The following GPC5 variants were observed in gnomAD, a reference collection of about 807,000 sequenced individuals.
The protein encoded by GPC5 is glypican 5, also known as glypican-5.
GPC5 carries 47 observed loss-of-function variants against 53.9 expected under a neutral mutation model. The ratio of observed to expected loss-of-function variants is 0.87; its 90% CI spans 0.69 to 1.11. The LOEUF (loss-of-function observed/expected upper bound fraction) is 1.11. Ranked by LOEUF, GPC5 falls within the 50% of genes most tolerant of loss-of-function variation. The pLI, the probability that GPC5 is intolerant of heterozygous loss-of-function variation, is 0.00. For synonymous variants in GPC5, 286 were observed against 263.3 expected, an observed-to-expected ratio of 1.09 and a Z score of -0.84; for missense variants, 748 against 713.1, an observed-to-expected ratio of 1.05 and a Z score of -0.56.
intron 7 of GPC5, among the ~76,000 whole-genome samples, chr13:92,706,636 T>C (rs1346523042): frequency 1.3e-5 from 2 of 152,042 alleles, no homozygotes; most frequent in East Asian, 3.9e-4. Context: ...GTCAAGAGAG[T>C]TGAAATGTCC....
At chr13:91,579,669 C>A (rs563251988) in intron 2 of GPC5, among the ~76,000 whole-genome samples, 1 of 146,396 alleles carries the variant, frequency 6.8e-6, no homozygotes, top group African/African-American at 2.5e-5. Flanking sequence ...CGCTCTGTCA[C>A]CCAGGCTGGA....
At chr13:91,984,568 C>T (rs554335809) in intron 6 of GPC5, among the ~76,000 whole-genome samples, 2 of 152,232 alleles carry the variant, frequency 1.3e-5, no homozygotes, top group East Asian at 1.9e-4. Flanking sequence ...ATTGAGTCAT[C>T]GTAGTTGTTT....
intron 2 of GPC5, among the ~76,000 whole-genome samples, chr13:91,654,330 C>T (rs2034795048): frequency 6.6e-6 from 1 of 152,044 alleles, no homozygotes; most frequent in South Asian, 2.1e-4. Context: ...ATTACATTGA[C>T]CACTGTATAA....
intron 2 of GPC5, among the ~76,000 whole-genome samples, chr13:91,535,323 C>T (rs1886539507): frequency 6.6e-6 from 1 of 152,056 alleles, no homozygotes; most frequent in Admixed American, 6.6e-5. Flanking sequence ...ATATATTGGT[C>T]CTCCAGTTGT....
intron 7 of GPC5, among the ~76,000 whole-genome samples, chr13:92,268,447 C>T (rs1049698849): frequency 6.6e-6 from 1 of 151,616 alleles, no homozygotes; most frequent in Non-Finnish European, 1.5e-5. Context: ...TTTAAAAATA[C>T]ATACTCTTAA....
chr13:92,505,118 G>A (rs1490681324), intron 7 of GPC5, among the ~76,000 whole-genome samples: 1 of 151,674 alleles, frequency 6.6e-6, no homozygotes, highest in Non-Finnish European at 1.5e-5. Flanking sequence ...AGAAGTTAAA[G>A]TTACTGTTTA....
intron 7 of GPC5, among the ~76,000 whole-genome samples, chr13:92,621,594 G>A (rs1479574874): frequency 6.6e-6 from 1 of 151,974 alleles, no homozygotes; most frequent in Non-Finnish European, 1.5e-5. Flanking sequence ...GACAAAGTGG[G>A]GGATCACCTG....
At position 92,075,996 on chromosome 13, in the gene GPC5, T is replaced by A. The variant is rs2041248634; in HGVS notation, c.1402-68834T>A. Among the ~76,000 whole-genome samples, 3 of 152,354 alleles carry A rather than the reference T, an allele frequency of 2.0e-5. No individual in the cohort carries two copies. The South Asian group carries it at 6.2e-4, about 32-fold the overall frequency. The stretch of plus-strand genomic sequence containing the variant: ...TTTTCTAAAGTGAGAAAAATTAATT[T>A]TAAAACTTAAATTGTGTGTTCAATA... On this transcript the variant is annotated intron_variant, in intron 6 of 7. Coordinates refer to ENST00000377067, the MANE Select transcript of GPC5 (RefSeq NM_004466.6).
At chr13:92,449,178 G>T (rs897550718) in intron 7 of GPC5, 2 of 152,046 alleles carry the variant, frequency 1.3e-5, no homozygotes, top group East Asian at 1.9e-4. Flanking sequence ...AAGTGAAAAA[G>T]CCATACATAC....
At chr13:91,419,943 A>G (rs998257809) in intron 1 of GPC5, among the ~76,000 whole-genome samples, 2 of 152,192 alleles carry the variant, frequency 1.3e-5, no homozygotes, top group African/African-American at 4.8e-5. Flanking sequence ...TCACAGTTAG[A>G]CTACAGAAGA....
At chr13:92,423,342 A>G (rs569506617) in intron 7 of GPC5, among the ~76,000 whole-genome samples, 1 of 152,356 alleles carries the variant, frequency 6.6e-6, no homozygotes, top group Non-Finnish European at 1.5e-5. Flanking sequence ...AGTAGTAGGT[A>G]TGCACAGCAA....
chr13:92,515,414 T>C (rs980013086), intron 7 of GPC5, among the ~76,000 whole-genome samples: 2 of 152,118 alleles, frequency 1.3e-5, no homozygotes, highest in African/African-American at 2.4e-5. Context: ...ATTCCAGAGA[T>C]TTTTGGTTTT....
chr13:92,708,513 A>G (rs542917667), intron 7 of GPC5, among the ~76,000 whole-genome samples: 2 of 152,312 alleles, frequency 1.3e-5, no homozygotes, highest in Admixed American at 6.5e-5. Context: ...CCATAAGAAA[A>G]GACATACTTC....
chr13:92,692,062 G>T (rs1188131946), intron 7 of GPC5, among the ~76,000 whole-genome samples: 2 of 151,904 alleles, frequency 1.3e-5, no homozygotes, highest in African/African-American at 4.8e-5. Context: ...AGTGTCTATT[G>T]TTCCCACCTT....
At chr13:92,602,175 CTATATATATTACA>C (rs1566313889) in intron 7 of GPC5, among the ~76,000 whole-genome samples, 1 of 137,156 alleles carries the variant, frequency 7.3e-6, no homozygotes, top group Non-Finnish European at 1.6e-5. Flanking sequence ...CAAATACACA[CTATATATATTACA>C]TATATATAAA....
At chr13:92,315,590 G>C (rs2043173806) in intron 7 of GPC5, among the ~76,000 whole-genome samples, 1 of 152,088 alleles carries the variant, frequency 6.6e-6, no homozygotes, top group Non-Finnish European at 1.5e-5. Flanking sequence ...CAAGTGTCTA[G>C]TTTAGTGAAA....
At chr13:91,645,070 T>G (rs947083834) in intron 2 of GPC5, among the ~76,000 whole-genome samples, 1 of 152,220 alleles carries the variant, frequency 6.6e-6, no homozygotes, top group African/African-American at 2.4e-5. Context: ...TTGCTTTCAT[T>G]TCCTGGCTTT....
At chr13:92,384,172 A>G (rs2043773249) in intron 7 of GPC5, among the ~76,000 whole-genome samples, 1 of 150,724 alleles carries the variant, frequency 6.6e-6, no homozygotes. Context: ...TCTGATTGGT[A>G]GGTAACTAGA....
At chr13:91,829,462 G>T (rs904947918) in intron 5 of GPC5, among the ~76,000 whole-genome samples, 5 of 152,002 alleles carry the variant, frequency 3.3e-5, no homozygotes, top group African/African-American at 7.2e-5. Flanking sequence ...TAAATTTTTT[G>T]ATTTTGGTTT....
Sources: allele counts gnomAD v4.1 joint callset (sites outside exome capture counted in the v4.1 genomes callset), GRCh38; gene constraint gnomAD v4.1.1; transcripts MANE v1.5; gene names NCBI Gene and HGNC (gene_info 2026-07-23, HGNC 2026-07-21).